The following NRXN3 variants were observed in gnomAD, a reference collection of about 807,000 sequenced individuals.
NRXN3 encodes the protein neurexin 3.
A neutral mutation model predicts 137.6 loss-of-function variants in NRXN3; 32 were observed. The observed-to-expected ratio is 0.23, with a 90% CI of 0.18 to 0.31. The LOEUF is 0.31. NRXN3 is among the 10% of genes least tolerant of loss of function. The pLI is 1.00. For synonymous variants in NRXN3, 798 were observed against 784.5 expected, an observed-to-expected ratio of 1.02 and a Z score of -0.29; for missense variants, 1,574 against 2,062.5, an observed-to-expected ratio of 0.76 and a Z score of 4.59.
chr14:78,690,319 G>C (rs1259072784), intron 6 of NRXN3, among the ~76,000 whole-genome samples: 1 of 152,212 alleles, frequency 6.6e-6, no homozygotes, highest in African/African-American at 2.4e-5. Flanking sequence ...GGAGACATAG[G>C]AGTTGGAGTT....
intron 15 of NRXN3, among the ~76,000 whole-genome samples, chr14:79,403,097 G>A (rs543121696): frequency 1.3e-5 from 2 of 152,160 alleles, no homozygotes; most frequent in Non-Finnish European, 2.9e-5. Flanking sequence ...GGAATTAATT[G>A]GAAAACCATA....
chr14:78,471,994 C>A (rs899054087), intron 4 of NRXN3, among the ~76,000 whole-genome samples: 1 of 152,108 alleles, frequency 6.6e-6, no homozygotes, highest in Non-Finnish European at 1.5e-5. Context: ...GCTGAGAATC[C>A]CCGAAAAAGA....
chr14:78,731,146 G>A (rs964742755), intron 8 of NRXN3, among the ~76,000 whole-genome samples: 1 of 151,878 alleles, frequency 6.6e-6, no homozygotes. Flanking sequence ...GCGTTCCTGG[G>A]GGCTTTGATG....
intron 19 of NRXN3, among the ~76,000 whole-genome samples, chr14:79,800,744 A>G (rs1305747959): frequency 6.6e-6 from 1 of 152,170 alleles, no homozygotes; most frequent in African/African-American, 2.4e-5. Context: ...ACATCTGAAA[A>G]AGAACACAGA....
intron 8 of NRXN3, among the ~76,000 whole-genome samples, chr14:78,789,299 A>G (rs2098798441): frequency 6.6e-6 from 1 of 152,054 alleles, no homozygotes; most frequent in South Asian, 2.1e-4. Flanking sequence ...CTCAAATTTT[A>G]CCATTTCTTT....
chr14:79,483,121 A>G (rs1404887917), intron 16 of NRXN3, among the ~76,000 whole-genome samples: 1 of 152,280 alleles, frequency 6.6e-6, no homozygotes, highest in Admixed American at 6.5e-5. Flanking sequence ...CTAAATCTCA[A>G]TCTTTTATTT....
chr14:79,148,841 C>A (rs1464799869), intron 15 of NRXN3, among the ~76,000 whole-genome samples: 1 of 152,122 alleles, frequency 6.6e-6, no homozygotes, highest in Non-Finnish European at 1.5e-5. Flanking sequence ...CACAAATCCT[C>A]CCTTTAAAGA....
intron 15 of NRXN3, among the ~76,000 whole-genome samples, chr14:79,269,112 C>G (rs1230855694): frequency 8.6e-5 from 13 of 151,984 alleles, no homozygotes; most frequent in Non-Finnish European, 1.8e-4. Context: ...TGCAGTGGCA[C>G]AATCTCGGCT....
At chr14:79,220,829 C>T (rs981461914) in intron 15 of NRXN3, among the ~76,000 whole-genome samples, 6 of 151,974 alleles carry the variant, frequency 3.9e-5, no homozygotes, top group African/African-American at 1.2e-4. Context: ...TAGGTATACA[C>T]GTGCCATGGT....
At chr14:79,314,828 A>G (rs1022383792) in intron 15 of NRXN3, among the ~76,000 whole-genome samples, 18 of 148,792 alleles carry the variant, frequency 1.2e-4, no homozygotes, top group African/African-American at 1.7e-4. Flanking sequence ...ACGGCAGGGT[A>G]TTCCAACAGA....
intron 1 of NRXN3, among the ~76,000 whole-genome samples, chr14:78,201,835 G>A (rs915295518): frequency 3.3e-5 from 5 of 152,154 alleles, no homozygotes; most frequent in Admixed American, 2.0e-4. Flanking sequence ...CCGACATGCT[G>A]TTCTTCCATC....
At chr14:78,617,109 A>G (rs180725736) in intron 4 of NRXN3, among the ~76,000 whole-genome samples, 2 of 152,310 alleles carry the variant, frequency 1.3e-5, no homozygotes, top group Non-Finnish European at 2.9e-5. Context: ...TTAAAAAACA[A>G]AAGCCCTGAT....
rs529268357 is a variant in NRXN3, at chr14:79,865,380, C to T, written c.*3416C>T. The T allele has an allele frequency of 1.3e-5, 2 of 152,152 alleles. No individual in the cohort carries two copies. Among genetic ancestry groups the T allele is most frequent in the South Asian group, 4.1e-4 (2 of 4,830 alleles). 9.4% of individuals were successfully genotyped at this position (152,152 alleles called of 1,614,324 possible). A position where few individuals can be genotyped will look rare whatever the true frequency, so the allele number is the denominator to read the frequency against. The stretch of plus-strand genomic sequence containing the variant: ...TTGGCCAATTGGATAATCCATCTAC[C>T]CTTTGTTCTTCACTGTAATCTAGAA... On this transcript the variant is annotated 3_prime_UTR_variant, in exon 21 of 21. Transcript: ENST00000335750.
chr14:79,263,491 A>G (rs1237031956), intron 15 of NRXN3, among the ~76,000 whole-genome samples: 2 of 152,154 alleles, frequency 1.3e-5, no homozygotes, highest in Admixed American at 1.3e-4. Context: ...AAGCAGGAAC[A>G]TGTTAACCAT....
chr14:79,199,017 A>G (rs1333622254), intron 15 of NRXN3, among the ~76,000 whole-genome samples: 2 of 152,138 alleles, frequency 1.3e-5, no homozygotes. Flanking sequence ...ATACAAAAAA[A>G]TTATCTGGGC....
intron 6 of NRXN3, among the ~76,000 whole-genome samples, chr14:78,707,759 G>A (rs2098368338): frequency 2.0e-5 from 3 of 152,086 alleles, no homozygotes; most frequent in Admixed American, 2.0e-4. Context: ...TTATGCCTTT[G>A]CGTCTTCATA....
intron 19 of NRXN3, among the ~76,000 whole-genome samples, chr14:79,747,977 T>TTC (rs1403299187): frequency 1.3e-5 from 2 of 152,052 alleles, no homozygotes. Flanking sequence ...CCAACACATG[T>TTC]TCTCACTCAA....
intron 6 of NRXN3, among the ~76,000 whole-genome samples, chr14:78,687,287 AC>A (rs2098133037): frequency 6.6e-6 from 1 of 151,760 alleles, no homozygotes; most frequent in African/African-American, 2.4e-5. Context: ...AATTAGGAAA[AC>A]CCCCCTGGCT....
intron 4 of NRXN3, among the ~76,000 whole-genome samples, chr14:78,556,826 TA>T (rs147400491): frequency 1.9e-4 from 28 of 148,442 alleles, no homozygotes; most frequent in South Asian, 2.2e-4. Flanking sequence ...CAGTTGATGG[TA>T]AAAAAAAAAT....
Sources: gnomAD v4.1 joint callset for allele counts (sites outside exome capture counted in the v4.1 genomes callset) on GRCh38, gnomAD v4.1.1 for gene constraint, MANE v1.5 for transcripts, NCBI Gene and HGNC (gene_info 2026-07-23, HGNC 2026-07-21) for gene names.